Variants in GSK3B observed in about 807,000 individuals in gnomAD.
The protein encoded by GSK3B is glycogen synthase kinase-3 beta.
A neutral mutation model predicts 56.4 loss-of-function variants in GSK3B; 15 were observed. The observed-to-expected ratio is 0.27, with a 90% confidence interval of 0.18 to 0.41. The LOEUF is 0.41. Among genes scored for constraint, GSK3B ranks in the 10% least tolerant of loss-of-function variants. The probability of loss-of-function intolerance (pLI) is 1.00; values close to 1 mark genes in which losing one functional copy is unlikely to be tolerated. For synonymous variants in GSK3B, 181 were observed against 188.9 expected (o/e 0.96, Z 0.34); for missense variants, 300 against 513.4 (o/e 0.58, Z 4.02).
intron 2 of GSK3B, among the ~76,000 whole-genome samples, chr3:119,955,401 G>A (rs2057203826): frequency 6.6e-6 from 1 of 152,098 alleles, no homozygotes. Flanking sequence ...TGGGGGCCCT[G>A]AGAATACAAA....
At chr3:119,970,751 C>A (rs1032430097) in intron 2 of GSK3B, among the ~76,000 whole-genome samples, 2 of 151,788 alleles carry the variant, frequency 1.3e-5, no homozygotes, top group Non-Finnish European at 2.9e-5. Context: ...CGCGCCACTG[C>A]ACTCCAGCCC....
At chr3:119,852,920 T>A (rs879930200) in intron 9 of GSK3B, among the ~76,000 whole-genome samples, 11 of 152,220 alleles carry the variant, frequency 7.2e-5, no homozygotes, top group Admixed American at 2.6e-4. Context: ...AGAAGCTCTT[T>A]AGCTTAATTA....
At chr3:119,968,933 A>G (rs1005543116) in intron 2 of GSK3B, among the ~76,000 whole-genome samples, 1 of 152,238 alleles carries the variant, frequency 6.6e-6, no homozygotes, top group Non-Finnish European at 1.5e-5. Flanking sequence ...CATTAAAATT[A>G]AAACATAATA....
chr3:119,874,904 A>G (rs2056293003), intron 8 of GSK3B, among the ~76,000 whole-genome samples: 1 of 152,074 alleles, frequency 6.6e-6, no homozygotes, highest in Non-Finnish European at 1.5e-5. Flanking sequence ...TTAACTTGCA[A>G]TAACTATAAT....
chr3:119,999,146 T>C (rs1212071407), intron 2 of GSK3B, among the ~76,000 whole-genome samples: 1 of 152,146 alleles, frequency 6.6e-6, no homozygotes, highest in Non-Finnish European at 1.5e-5. Context: ...ATGCAACCAT[T>C]AGAGAATGAA....
At chr3:119,878,171 TAAG>T (rs1189431071) in intron 7 of GSK3B, among the ~76,000 whole-genome samples, 2 of 152,068 alleles carry the variant, frequency 1.3e-5, no homozygotes, top group Admixed American at 1.3e-4. Context: ...AAGACACTCT[TAAG>T]AAAATGAAAA....
At chr3:119,923,712 T>C (rs1329686468) in intron 3 of GSK3B, among the ~76,000 whole-genome samples, 3 of 152,220 alleles carry the variant, frequency 2.0e-5, no homozygotes, top group Non-Finnish European at 2.9e-5. Context: ...ATTTCAATAT[T>C]GTTAAGATTC....
chr3:119,906,281 A>C lies in GSK3B; in HGVS notation c.716-429T>G, dbSNP rs367864914. Among the ~76,000 whole-genome samples the C allele has an allele frequency of 1.4e-4, 22 of 152,232 alleles. No individual in the cohort carries two copies. The East Asian group carries it at 4.0e-3, about 28-fold the overall frequency. On this transcript the variant is annotated intron_variant, in intron 6 of 10. Transcript: ENST00000264235. ...TCTCCCAGACACTGGGCTTTAAGTC[A>C]GTGCAAATTCTGAGGAACACTTTTA...
intron 1 of GSK3B, among the ~76,000 whole-genome samples, chr3:120,046,885 A>T (rs1019988308): frequency 2.0e-5 from 3 of 152,188 alleles, no homozygotes; most frequent in African/African-American, 7.2e-5. Flanking sequence ...TGCTGGGATT[A>T]TGGGTGTGAG....
At chr3:119,964,171 T>C (rs78289063) in intron 2 of GSK3B, among the ~76,000 whole-genome samples, 3,716 of 151,894 alleles carry the variant, frequency 0.024, 65 homozygotes, top group Middle Eastern at 0.041. Flanking sequence ...AAAAATGAGA[T>C]GAATAAAAAA....
intron 8 of GSK3B, among the ~76,000 whole-genome samples, chr3:119,869,703 G>A (rs929447681): frequency 1.3e-5 from 2 of 152,112 alleles, no homozygotes; most frequent in Non-Finnish European, 2.9e-5. Flanking sequence ...TTAGTGAAAC[G>A]TATAATAAAA....
At chr3:119,952,126 T>TG (rs920773059) in intron 2 of GSK3B, among the ~76,000 whole-genome samples, 2 of 151,852 alleles carry the variant, frequency 1.3e-5, no homozygotes, top group African/African-American at 4.8e-5. Context: ...GAGAAAAAAA[T>TG]GTTAGAAGAA....
intron 8 of GSK3B, 128 bp downstream of exon 8, chr3:119,876,285 A>G (rs745433639): frequency 8.0e-6 from 5 of 623,772 alleles, no homozygotes; most frequent in Non-Finnish European, 1.1e-5. Context: ...GTACATCTAT[A>G]CAACTATCTT....
chr3:119,855,306 G>A (rs965789014), intron 9 of GSK3B, among the ~76,000 whole-genome samples: 2 of 152,160 alleles, frequency 1.3e-5, no homozygotes, highest in Non-Finnish European at 2.9e-5. Context: ...TTAGAATGGT[G>A]ATCATTAAAA....
intron 5 of GSK3B, among the ~76,000 whole-genome samples, chr3:119,913,154 C>T (rs1364235213): frequency 6.6e-6 from 1 of 152,058 alleles, no homozygotes; most frequent in Non-Finnish European, 1.5e-5. Context: ...GAGGTACCTC[C>T]CCCACCAAAA....
chr3:120,091,066 C>T (rs1283738787), intron 1 of GSK3B, among the ~76,000 whole-genome samples: 1 of 152,170 alleles, frequency 6.6e-6, no homozygotes, highest in Non-Finnish European at 1.5e-5. Flanking sequence ...TCTTTCCTCT[C>T]CCAACCATCA....
intron 2 of GSK3B, among the ~76,000 whole-genome samples, chr3:119,995,221 C>CTGA (rs1411509518): frequency 6.6e-6 from 1 of 151,152 alleles, no homozygotes; most frequent in Non-Finnish European, 1.5e-5. Context: ...CTATGGTTAT[C>CTGA]TACTTGGGAG....
At chr3:119,983,309 A>G (rs1419045296) in intron 2 of GSK3B, among the ~76,000 whole-genome samples, 2 of 152,214 alleles carry the variant, frequency 1.3e-5, no homozygotes, top group Non-Finnish European at 2.9e-5. Context: ...AATGGGCAAA[A>G]TAACCAGCGA....
chr3:119,997,129 A>T (rs571603008), intron 2 of GSK3B, among the ~76,000 whole-genome samples: 2 of 152,214 alleles, frequency 1.3e-5, no homozygotes, highest in Non-Finnish European at 2.9e-5. Context: ...TCAGGTTTCT[A>T]GGTAAGCTAG....
Sources: gnomAD v4.1 joint callset for allele counts (sites outside exome capture counted in the v4.1 genomes callset) on GRCh38, gnomAD v4.1.1 for gene constraint, MANE v1.5 for transcripts, NCBI Gene and HGNC (gene_info 2026-07-23, HGNC 2026-07-21) for gene names.